Variants in SMAD3 observed in about 807,000 individuals in gnomAD.
SMAD3 encodes MAD homolog 3.
SMAD3 carries 12 observed loss-of-function variants against 51.8 expected under a neutral mutation model. That is an observed-to-expected ratio of 0.23 (90% CI 0.15 to 0.38). SMAD3 has a LOEUF of 0.38. Ranked by LOEUF, SMAD3 falls within the 10% of genes least tolerant of loss-of-function variation. The probability of loss-of-function intolerance (pLI) is 1.00; values close to 1 mark genes in which losing one functional copy is unlikely to be tolerated. For synonymous variants in SMAD3, 238 were observed against 227.7 expected, an observed-to-expected ratio of 1.05 and a Z score of -0.41; for missense variants, 294 against 565.6, an observed-to-expected ratio of 0.52 and a Z score of 4.87.
At chr15:67,067,338 G>A (rs762178748) in intron 1 of SMAD3, among the ~76,000 whole-genome samples, 3 of 152,200 alleles carry the variant, frequency 2.0e-5, no homozygotes, top group Non-Finnish European at 4.4e-5. Flanking sequence ...CACTCCCCCA[G>A]GGCCTTCCTT....
intron 1 of SMAD3, among the ~76,000 whole-genome samples, chr15:67,107,574 C>T (rs1013209804): frequency 1.1e-3 from 167 of 152,294 alleles, no homozygotes; most frequent in African/African-American, 3.3e-3. Flanking sequence ...GGGCTTCCCC[C>T]GGCCCTTCCC....
At chr15:67,092,690 T>C (rs1406245374) in intron 1 of SMAD3, among the ~76,000 whole-genome samples, 2 of 152,172 alleles carry the variant, frequency 1.3e-5, no homozygotes, top group East Asian at 1.9e-4. Flanking sequence ...CAGGGGAATG[T>C]GGTGTAGCGG....
chr15:67,179,367 G>A (rs777726819), intron 5 of SMAD3, among the ~76,000 whole-genome samples: 44 of 152,296 alleles, frequency 2.9e-4, no homozygotes, highest in South Asian at 1.7e-3. Context: ...CACCTAGTGG[G>A]TAGGGGCCAG....
intron 8 of SMAD3, among the ~76,000 whole-genome samples, chr15:67,189,253 G>A (rs1473543231): frequency 1.3e-5 from 2 of 152,168 alleles, no homozygotes; most frequent in East Asian, 3.9e-4. Context: ...GCCACACTCA[G>A]GTACCCTCGC....
chr15:67,098,993 C>CA, intron 1 of SMAD3: 1 of 702,394 alleles, frequency 1.4e-6, no homozygotes, highest in South Asian at 1.5e-5. Flanking sequence ...AAACTGTGGA[C>CA]AGAGCGTATG....
chr15:67,190,119 G>T (rs1963322406), intron 8 of SMAD3, among the ~76,000 whole-genome samples: 2 of 151,950 alleles, frequency 1.3e-5, no homozygotes, highest in Non-Finnish European at 2.9e-5. Flanking sequence ...GGGCCTCTGG[G>T]GTACCCTGCA....
chr15:67,121,612 C>G (rs1233686290), intron 1 of SMAD3, among the ~76,000 whole-genome samples: 1 of 152,102 alleles, frequency 6.6e-6, no homozygotes, highest in East Asian at 1.9e-4. Flanking sequence ...TATCTTCTGA[C>G]AAGAACATTT....
intron 4 of SMAD3, among the ~76,000 whole-genome samples, chr15:67,168,822 T>C (rs1193876518): frequency 6.6e-6 from 1 of 152,202 alleles, no homozygotes; most frequent in Admixed American, 6.5e-5. Context: ...CTCTCCTGTT[T>C]TAGTCTCTGT....
chr15:67,185,364 A>G (rs1963196442), intron 7 of SMAD3, among the ~76,000 whole-genome samples: 1 of 152,154 alleles, frequency 6.6e-6, no homozygotes, highest in South Asian at 2.1e-4. Flanking sequence ...TGGATCAGGG[A>G]AGTCTTCATG....
intron 1 of SMAD3, among the ~76,000 whole-genome samples, chr15:67,138,801 C>T (rs1364165330): frequency 6.6e-6 from 1 of 152,226 alleles, no homozygotes; most frequent in Non-Finnish European, 1.5e-5. Flanking sequence ...CTCCTCCCCT[C>T]CCTGGAAGAT....
intron 1 of SMAD3, among the ~76,000 whole-genome samples, chr15:67,095,551 CTT>C (rs5813425): frequency 0.014 from 2,084 of 149,932 alleles, 53 homozygotes; most frequent in African/African-American, 0.048. Context: ...GCTTGAAATC[CTT>C]TTTTTTTTTG....
intron 4 of SMAD3, among the ~76,000 whole-genome samples, chr15:67,167,847 C>T (rs756501739): frequency 2.2e-4 from 34 of 152,176 alleles, no homozygotes; most frequent in Admixed American, 4.6e-4. Flanking sequence ...GAGGGAACCA[C>T]GCAGATGTTC....
intron 1 of SMAD3, among the ~76,000 whole-genome samples, chr15:67,066,769 G>C (rs1446190970): frequency 1.3e-5 from 2 of 152,128 alleles, no homozygotes; most frequent in Non-Finnish European, 2.9e-5. Context: ...GCCCGCGCTC[G>C]TGGAGGTGGT....
chr15:67,070,687 T>TG (rs1368974336), intron 1 of SMAD3, among the ~76,000 whole-genome samples: 1 of 150,766 alleles, frequency 6.6e-6, no homozygotes, highest in Non-Finnish European at 1.5e-5. Context: ...GGATGATTTT[T>TG]GATGGGGGCG....
At chr15:67,115,966 C>T (rs1464169976) in intron 1 of SMAD3, among the ~76,000 whole-genome samples, 1 of 152,152 alleles carries the variant, frequency 6.6e-6, no homozygotes, top group Non-Finnish European at 1.5e-5. Flanking sequence ...CTCTGGACTT[C>T]TGTAGAGAGA....
In SMAD3 at chr15:67,112,724, G is replaced by T. The variant is rs1961045675; in HGVS notation, c.206+46364G>T. The stretch of plus-strand genomic sequence containing the variant: ...CTAAGAAACTGTTGCTTAATCCAGG[G>T]TCACAAAAATTTACTCCCTTGCATT... On this transcript the variant is annotated intron_variant, in intron 1 of 8. Coordinates refer to ENST00000327367, the MANE Select transcript of SMAD3 (RefSeq NM_005902.4). Among the ~76,000 whole-genome samples, 2 of 132,380 alleles carry T rather than the reference G, an allele frequency of 1.5e-5. 1 individual carries two copies. The highest frequency in any genetic ancestry group is 5.3e-4 in the South Asian group (2 of 3,742). The allele number at this position is 132,380 out of a possible 152,430, so 86.8% of individuals were successfully genotyped here.
rs68095915 is a variant in SMAD3, at chr15:67,177,422, G to GTTTTTTTTTTTTTTTTTTTTTTT, written c.659-3806_659-3805insTTTTTTTTTTTTTTTTTTTTTTT. On this transcript the variant is annotated intron_variant, in intron 5 of 8. Coordinates refer to ENST00000327367, the MANE Select transcript of SMAD3 (RefSeq NM_005902.4). ...AATGAGGGCATATTTAGTGTTTTGG[G>GTTTTTTTTTTTTTTTTTTTTTTT]TTTTTTTTTTTTTGGTGTGTGGCAG... Among the ~76,000 whole-genome samples, 15 of 93,896 alleles carry GTTTTTTTTTTTTTTTTTTTTTTT rather than the reference G, an allele frequency of 1.6e-4. 3 individuals carry two copies. Among genetic ancestry groups the GTTTTTTTTTTTTTTTTTTTTTTT allele is most frequent in the Admixed American group, 1.2e-3 (10 of 8,192 alleles). The allele number at this position is 93,896 out of a possible 152,430, so 61.6% of individuals were successfully genotyped here. A position where few individuals can be genotyped will look rare whatever the true frequency, so the allele number is the denominator to read the frequency against.
rs940395721 is a variant in SMAD3 at position 67,193,702 on chromosome 15, T to C, written c.*3166T>C. On this transcript the variant is annotated 3_prime_UTR_variant, in exon 9 of 9. Transcript: ENST00000327367. ...TATGTTGTCTGTGTTGTATTTTTTT[T>C]TTTTTATTGACCATGGTGATTATTT... The C allele has an allele frequency of 1.7e-5, 4 of 233,504 alleles. No individual in the cohort carries two copies. Among genetic ancestry groups the C allele is most frequent in the African/African-American group, 8.8e-5 (4 of 45,330 alleles). 14.5% of individuals were successfully genotyped at this position (233,504 alleles called of 1,614,324 possible). A position where few individuals can be genotyped will look rare whatever the true frequency, so the allele number is the denominator to read the frequency against.
At chr15:67,105,761 C>G (rs912394147) in intron 1 of SMAD3, among the ~76,000 whole-genome samples, 9 of 152,194 alleles carry the variant, frequency 5.9e-5, no homozygotes, top group African/African-American at 2.2e-4. Flanking sequence ...TTCAACCTGC[C>G]TGAAGCAACG....
Sources: allele counts gnomAD v4.1 joint callset (sites outside exome capture counted in the v4.1 genomes callset), GRCh38; gene constraint gnomAD v4.1.1; transcripts MANE v1.5; gene names NCBI Gene and HGNC (gene_info 2026-07-23, HGNC 2026-07-21).